Variants in CUL1 observed in about 807,000 individuals in gnomAD.
CUL1 encodes the protein cullin-1.
Under a neutral mutation model 118.0 loss-of-function variants are expected in CUL1, and 24 were observed. That is an observed-to-expected ratio of 0.20 (90% CI 0.15 to 0.29). The LOEUF (loss-of-function observed/expected upper bound fraction) is 0.29, where lower values mean the gene tolerates loss of function less well. Among genes scored for constraint, CUL1 ranks in the 10% least tolerant of loss-of-function variants. The pLI is 1.00. For missense variants in CUL1, 361 were observed against 933.8 expected (o/e 0.39, Z 7.99); for synonymous variants, 332 against 340.4 (o/e 0.98, Z 0.27).
chr7:148,799,707 G>A (rs775659194), intron 21 of CUL1, among the ~76,000 whole-genome samples: 12 of 151,730 alleles, frequency 7.9e-5, no homozygotes, highest in Non-Finnish European at 1.3e-4. Context: ...AATCACTGTC[G>A]TGTCTTCTGA....
rs774281763 is a variant in CUL1, at chr7:148,753,969, C to T, written c.141-7C>T. ...ATATATGTTGGTTTCCTTAACTTTT[C>T]TCCAAGTCATGTTTATAACTACTGT... On this transcript the variant is annotated splice_polypyrimidine_tract_variant and splice_region_variant and intron_variant, in intron 2 of 21. Coordinates refer to ENST00000325222, the MANE Select transcript of CUL1 (RefSeq NM_003592.3). The T allele has an allele frequency of 6.3e-7, 1 of 1,579,526 alleles. No individual in the cohort carries two copies.
chr7:148,715,608 C>T (rs1798189447), intron 1 of CUL1, among the ~76,000 whole-genome samples: 1 of 152,140 alleles, frequency 6.6e-6, no homozygotes, highest in Non-Finnish European at 1.5e-5. Context: ...GTCCTTTAAG[C>T]ACAAAATTTT....
intron 17 of CUL1, among the ~76,000 whole-genome samples, chr7:148,797,602 T>C (rs1398010138): frequency 6.6e-6 from 1 of 152,082 alleles, no homozygotes; most frequent in Non-Finnish European, 1.5e-5. Flanking sequence ...AAGGGGTTGA[T>C]TTCACTTCTA....
At chr7:148,703,183 T>TA (rs1264217525) in intron 1 of CUL1, among the ~76,000 whole-genome samples, 3 of 152,196 alleles carry the variant, frequency 2.0e-5, no homozygotes, top group Non-Finnish European at 4.4e-5. Context: ...TAAGGACTGA[T>TA]ATCTGATCAT....
intron 2 of CUL1, among the ~76,000 whole-genome samples, chr7:148,744,153 T>G (rs1799232849): frequency 6.6e-6 from 1 of 152,198 alleles, no homozygotes; most frequent in East Asian, 1.9e-4. Context: ...ATATTTAAAT[T>G]GTGTCCCTCA....
chr7:148,766,444 A>C (rs1800010395), intron 7 of CUL1, 117 bp from the exon 8 acceptor site: 2 of 874,724 alleles, frequency 2.3e-6, no homozygotes, highest in Non-Finnish European at 3.4e-6. Context: ...ATTTTATTAG[A>C]GCTGGCATGT....
chr7:148,743,039 A>G (rs527392698), intron 2 of CUL1, among the ~76,000 whole-genome samples: 1 of 152,262 alleles, frequency 6.6e-6, no homozygotes, highest in Admixed American at 6.5e-5. Context: ...CCTTTGAATT[A>G]TATAGGAAGA....
intron 2 of CUL1, among the ~76,000 whole-genome samples, chr7:148,738,761 T>G (rs1799043747): frequency 1.3e-5 from 2 of 152,262 alleles, no homozygotes; most frequent in Non-Finnish European, 1.5e-5. Flanking sequence ...TGCTTTTTCT[T>G]ATTTCATCTT....
chr7:148,770,139 A>T (rs917861901), intron 9 of CUL1, among the ~76,000 whole-genome samples: 2 of 152,238 alleles, frequency 1.3e-5, no homozygotes, highest in Non-Finnish European at 2.9e-5. Context: ...GCAAAAGTAT[A>T]CCTTCTATGT....
intron 17 of CUL1, among the ~76,000 whole-genome samples, chr7:148,795,641 G>A (rs1017364721): frequency 6.6e-6 from 1 of 151,954 alleles, no homozygotes; most frequent in African/African-American, 2.4e-5. Context: ...GTGGTGGCAG[G>A]TGCCTGTAGT....
intron 3 of CUL1, among the ~76,000 whole-genome samples, chr7:148,756,547 G>GGC (rs1799666036): frequency 6.6e-6 from 1 of 152,242 alleles, no homozygotes; most frequent in South Asian, 2.1e-4. Context: ...ATGTTGGCCA[G>GGC]GCTGGTCTTG....
At chr7:148,706,242 A>G (rs1365450326) in intron 1 of CUL1, among the ~76,000 whole-genome samples, 1 of 152,212 alleles carries the variant, frequency 6.6e-6, no homozygotes, top group Non-Finnish European at 1.5e-5. Flanking sequence ...TCTGGACCCA[A>G]GCATTTCAGA....
rs150319814 is a variant in CUL1, at chr7:148,758,405, C to A, written c.484-899C>A. The stretch of plus-strand genomic sequence containing the variant: ...GGTTGCAGTGGCTCATGCTTGTAAT[C>A]CTAGCACTTTGGGAGACCGAGGCAG... On this transcript the variant is annotated intron_variant, in intron 4 of 21. Transcript: ENST00000325222. Among the ~76,000 whole-genome samples, 7 of 152,206 alleles carry A rather than the reference C, an allele frequency of 4.6e-5. No homozygotes were observed. The East Asian group carries it at 1.4e-3, about 29-fold the overall frequency.
chr7:148,701,414 A>G (rs966605538), intron 1 of CUL1, among the ~76,000 whole-genome samples: 1 of 152,076 alleles, frequency 6.6e-6, no homozygotes, highest in East Asian at 1.9e-4. Flanking sequence ...TTCTATACCT[A>G]TGGAAGTCTG....
chr7:148,721,096 T>G (rs1798381785), intron 1 of CUL1, among the ~76,000 whole-genome samples: 1 of 152,208 alleles, frequency 6.6e-6, no homozygotes, highest in African/African-American at 2.4e-5. Flanking sequence ...AGCTTGAACT[T>G]TCCAGTCTCA....
At chr7:148,798,415 T>C (rs759651276) in intron 19 of CUL1, among the ~76,000 whole-genome samples, 157 bp from the exon 20 acceptor site, 1 of 152,096 alleles carries the variant, frequency 6.6e-6, no homozygotes, top group African/African-American at 2.4e-5. Context: ...TACCCAGTGC[T>C]GGGTAGAGGA....
chr7:148,794,849 T>G lies in CUL1; in HGVS notation c.1899+2031T>G, dbSNP rs1219970733. On this transcript the variant is annotated intron_variant, in intron 17 of 21. Coordinates refer to ENST00000325222, the MANE Select transcript of CUL1 (RefSeq NM_003592.3). Reference sequence around the variant, plus strand: ...TGGAATTGGTTTTTAGTTTTTTAATTGAGACGGAGTCTTGCTCTGTCTCCT... The same window carrying G: ...TGGAATTGGTTTTTAGTTTTTTAATGGAGACGGAGTCTTGCTCTGTCTCCT... Among the ~76,000 whole-genome samples, 3 of 152,252 alleles carry G rather than the reference T, an allele frequency of 2.0e-5. No individual in the cohort carries two copies. The East Asian group carries it at 5.8e-4, about 29-fold the overall frequency.
chr7:148,706,108 T>C (rs796391686), intron 1 of CUL1, among the ~76,000 whole-genome samples: 9 of 152,286 alleles, frequency 5.9e-5, no homozygotes, highest in African/African-American at 1.9e-4. Context: ...GAAAGTAAAA[T>C]TACCTTCAGG....
intron 2 of CUL1, among the ~76,000 whole-genome samples, chr7:148,740,455 A>G (rs769162962): frequency 6.6e-6 from 1 of 152,240 alleles, no homozygotes; most frequent in Non-Finnish European, 1.5e-5. Flanking sequence ...TTCAACTGTC[A>G]CATTCAATTT....
Sources: gnomAD v4.1 joint callset for allele counts (sites outside exome capture counted in the v4.1 genomes callset) on GRCh38, gnomAD v4.1.1 for gene constraint, MANE v1.5 for transcripts, NCBI Gene and HGNC (gene_info 2026-07-23, HGNC 2026-07-21) for gene names.